CAMK4: variants seen among roughly 807,000 people sequenced by gnomAD.
The protein encoded by CAMK4 is calcium/calmodulin dependent protein kinase IV, also known as calcium/calmodulin-dependent protein kinase type IV.
A neutral mutation model predicts 44.9 loss-of-function variants in CAMK4; 22 were observed. The observed-to-expected ratio is 0.49, with a 90% CI of 0.35 to 0.70. The LOEUF (loss-of-function observed/expected upper bound fraction) is 0.70. Ranked by LOEUF, CAMK4 falls within the 30% of genes least tolerant of loss-of-function variation. CAMK4 has a pLI of 0.01. For synonymous variants in CAMK4, 218 were observed against 215.4 expected (o/e 1.01, Z -0.11); for missense variants, 498 against 586.8 (o/e 0.85, Z 1.56).
At chr5:111,302,677 C>G (rs1411186916) in intron 1 of CAMK4, 2 of 39,320 alleles carry the variant, frequency 5.1e-5, no homozygotes, top group Non-Finnish European at 8.9e-5. Context: ...GAGGGGCGCC[C>G]GCCATTGCCC....
intron 8 of CAMK4, among the ~76,000 whole-genome samples, chr5:111,473,605 A>T (rs1032338469): frequency 6.6e-6 from 1 of 152,124 alleles, no homozygotes; most frequent in South Asian, 2.1e-4. Context: ...GGGCTTTCCT[A>T]TGTCTATATC....
rs1753013058 is a variant in CAMK4, at chr5:111,421,063, G to C, written c.460-25623G>C. Among the ~76,000 whole-genome samples, 3 of 152,218 alleles carry C rather than the reference G, an allele frequency of 2.0e-5. No homozygotes were observed. In the South Asian group the frequency reaches 6.2e-4, roughly 31 times the overall value. ...GAAATCTTTACAATTTACTTTTAGA[G>C]ATTGCAGTAAAGACAGCCATAAGAA... On this transcript the variant is annotated intron_variant, in intron 5 of 10. Coordinates refer to ENST00000282356, the MANE Select transcript of CAMK4 (RefSeq NM_001744.6).
chr5:111,337,050 A>T (rs1392738453), intron 1 of CAMK4, among the ~76,000 whole-genome samples: 1 of 151,192 alleles, frequency 6.6e-6, no homozygotes, highest in African/African-American at 2.4e-5. Flanking sequence ...TTGTGTAAAC[A>T]CCATAACAGT....
chr5:111,374,967 C>A (rs1165484358), intron 3 of CAMK4, 55 bp downstream of exon 3: 27 of 1,201,838 alleles, frequency 2.2e-5, no homozygotes, highest in Non-Finnish European at 3.3e-5. Context: ...GAGAAAGGGA[C>A]CTTTGTCCTT....
intron 6 of CAMK4, among the ~76,000 whole-genome samples, chr5:111,447,430 T>C (rs1055300242): frequency 4.6e-5 from 7 of 152,214 alleles, no homozygotes; most frequent in African/African-American, 7.2e-5. Flanking sequence ...AACATATAAA[T>C]TTACATATTA....
chr5:111,373,627 T>C (rs1273632066), intron 2 of CAMK4, among the ~76,000 whole-genome samples: 2 of 152,152 alleles, frequency 1.3e-5, no homozygotes, highest in Non-Finnish European at 2.9e-5. Context: ...GGATTTCTCC[T>C]GAGGTCAACC....
intron 1 of CAMK4, among the ~76,000 whole-genome samples, chr5:111,261,464 C>T (rs991699281): frequency 4.6e-5 from 7 of 152,094 alleles, no homozygotes; most frequent in African/African-American, 1.4e-4. Context: ...TCTGAGGTTT[C>T]GAGGATAGCC....
At chr5:111,378,472 T>C (rs765154863) in intron 4 of CAMK4, among the ~76,000 whole-genome samples, 1 of 152,122 alleles carries the variant, frequency 6.6e-6, no homozygotes, top group Non-Finnish European at 1.5e-5. Context: ...CTTTTTAACA[T>C]TACCCAGTGA....
intron 1 of CAMK4, among the ~76,000 whole-genome samples, chr5:111,285,864 C>T (rs1048993995): frequency 3.3e-5 from 5 of 152,144 alleles, no homozygotes; most frequent in South Asian, 2.1e-4. Context: ...TTGGCATTTA[C>T]GTGTTGTCAT....
chr5:111,311,067 A>G (rs1748181932), intron 1 of CAMK4, among the ~76,000 whole-genome samples: 1 of 152,208 alleles, frequency 6.6e-6, no homozygotes, highest in Admixed American at 6.5e-5. Context: ...ATGGTATTAA[A>G]GAATCTGGTT....
chr5:111,416,075 A>T (rs1005240037), intron 5 of CAMK4, among the ~76,000 whole-genome samples: 1 of 152,218 alleles, frequency 6.6e-6, no homozygotes, highest in Non-Finnish European at 1.5e-5. Context: ...AGGCATCTAC[A>T]TGAATAGAGA....
intron 1 of CAMK4, among the ~76,000 whole-genome samples, chr5:111,294,674 ATT>A (rs57275745): frequency 2.1e-5 from 3 of 143,590 alleles, no homozygotes; most frequent in African/African-American, 2.5e-5. Context: ...GCTTATTTCT[ATT>A]TTTTTTTTTT....
intron 7 of CAMK4, among the ~76,000 whole-genome samples, chr5:111,460,226 G>A (rs1208916023): frequency 2.0e-5 from 3 of 149,094 alleles, no homozygotes; most frequent in South Asian, 2.1e-4. Context: ...TTATATCTCC[G>A]TTAGAGAAAA....
intron 8 of CAMK4, among the ~76,000 whole-genome samples, chr5:111,474,960 G>C (rs1205199706): frequency 6.6e-6 from 1 of 152,164 alleles, no homozygotes; most frequent in Non-Finnish European, 1.5e-5. Context: ...TCAGGAGATC[G>C]AGACCATCCT....
At chr5:111,225,837 C>G (rs1482232874) in intron 1 of CAMK4, among the ~76,000 whole-genome samples, 1 of 152,098 alleles carries the variant, frequency 6.6e-6, no homozygotes, top group African/African-American at 2.4e-5. Context: ...AGTGATTTGT[C>G]ACTGTTAAAA....
In CAMK4 at chr5:111,271,942, C is replaced by G. The variant is rs116833479; in HGVS notation, c.161+47298C>G. On this transcript the variant is annotated intron_variant, in intron 1 of 10. Coordinates refer to ENST00000282356, the MANE Select transcript of CAMK4 (RefSeq NM_001744.6). ...ATTGGTGTCTCCCTCCAACACTTTT[C>G]TCTCCCGCGATTCTTGAATAGTCTT... 3.2e-3 allele frequency among the ~76,000 whole-genome samples: 480 copies of G among 152,248 alleles called. 4 individuals carry two copies. The highest frequency in any genetic ancestry group is 0.025 in the South Asian group (123 of 4,824).
chr5:111,321,257 T>A (rs954883837), intron 1 of CAMK4, among the ~76,000 whole-genome samples: 1 of 152,126 alleles, frequency 6.6e-6, no homozygotes, highest in Non-Finnish European at 1.5e-5. Context: ...CCAATGCTGC[T>A]GGACACAAGA....
intron 5 of CAMK4, among the ~76,000 whole-genome samples, chr5:111,443,231 G>T (rs1753887399): frequency 9.2e-6 from 1 of 108,690 alleles, no homozygotes; most frequent in African/African-American, 3.5e-5. Context: ...ATATTTAAAT[G>T]CCTCCCCCTA....
At chr5:111,361,686 G>A (rs1328002489) in intron 2 of CAMK4, among the ~76,000 whole-genome samples, 2 of 152,000 alleles carry the variant, frequency 1.3e-5, no homozygotes, top group Non-Finnish European at 2.9e-5. Context: ...ATATGAAATT[G>A]TCTTAAAACC....
Sources: gnomAD v4.1 joint callset for allele counts (sites outside exome capture counted in the v4.1 genomes callset) on GRCh38, gnomAD v4.1.1 for gene constraint, MANE v1.5 for transcripts, NCBI Gene and HGNC (gene_info 2026-07-23, HGNC 2026-07-21) for gene names.